The following PRKAG2 variants were observed in gnomAD, a reference collection of about 807,000 sequenced individuals.
PRKAG2 encodes 5'-AMP-activated protein kinase subunit gamma-2.
In PRKAG2, 26 loss-of-function variants were observed where a neutral mutation model predicts 69.6. That is an observed-to-expected ratio of 0.37 (90% CI 0.27 to 0.52). The LOEUF (loss-of-function observed/expected upper bound fraction) is 0.52. Among genes scored for constraint, PRKAG2 ranks in the 20% least tolerant of loss-of-function variants. The probability of loss-of-function intolerance (pLI) is 0.90; values close to 1 mark genes in which losing one functional copy is unlikely to be tolerated. For missense variants in PRKAG2, 557 were observed against 740.0 expected (o/e 0.75, Z 2.87); for synonymous variants, 293 against 285.0 (o/e 1.03, Z -0.28).
chr7:151,757,965 G>A (rs2075196939), intron 3 of PRKAG2, among the ~76,000 whole-genome samples: 2 of 152,190 alleles, frequency 1.3e-5, no homozygotes, highest in Non-Finnish European at 2.9e-5. Context: ...CCACTGCTGC[G>A]ATGAAGCCCT....
chr7:151,711,283 A>G (rs1291310950), intron 3 of PRKAG2, among the ~76,000 whole-genome samples: 1 of 151,158 alleles, frequency 6.6e-6, no homozygotes, highest in Admixed American at 6.6e-5. Context: ...GAGAGTACTG[A>G]GTGCTAGGCT....
chr7:151,692,836 T>C (rs1440704483), intron 3 of PRKAG2, among the ~76,000 whole-genome samples: 1 of 151,768 alleles, frequency 6.6e-6, no homozygotes, highest in African/African-American at 2.4e-5. Context: ...CCAAAGGTCA[T>C]CTCCTGAAGG....
intron 1 of PRKAG2, among the ~76,000 whole-genome samples, chr7:151,865,280 T>G (rs2080035929): frequency 6.6e-6 from 1 of 152,256 alleles, no homozygotes; most frequent in African/African-American, 2.4e-5. Context: ...TGGAGCCGAC[T>G]GGGCGATGGG....
Position 151,697,109 on chromosome 7 carries a change from G to A in PRKAG2, c.467-21472C>T, listed in dbSNP as rs78542023. Among the ~76,000 whole-genome samples, 628 of 152,326 alleles carry A rather than the reference G, an allele frequency of 4.1e-3. 6 individuals carry two copies. Among genetic ancestry groups the A allele is most frequent in the African/African-American group, 0.014 (567 of 41,572 alleles). On this transcript the variant is annotated intron_variant, in intron 3 of 15. Transcript: ENST00000287878. ...GTAGCCTGGGAGGGGCCTTGGGCGG[G>A]AGCATCCCCGGGGAGAGAGCTGGAG...
intron 4 of PRKAG2, among the ~76,000 whole-genome samples, chr7:151,642,229 G>C (rs1169657732): frequency 6.6e-6 from 1 of 152,090 alleles, no homozygotes. Context: ...TGTAGTCCCA[G>C]CTACTCAGGA....
At position 151,565,575 on chromosome 7, in the gene PRKAG2, G is replaced by A. The variant is rs879171393; in HGVS notation, c.1399+145C>T. ...AATAAACCAATTAAACTTTTTTTAC[G>A]ATCCTGCGTGCCCCTTGGTGCTGAA... is the stretch of plus-strand genomic sequence containing the variant. On this transcript the variant is annotated intron_variant, in intron 12 of 15. Coordinates refer to ENST00000287878, the MANE Select transcript of PRKAG2 (RefSeq NM_016203.4). 7 of 1,163,106 alleles carry A rather than the reference G, an allele frequency of 6.0e-6. No homozygotes were observed. The East Asian group carries it at 7.6e-5, about 13-fold the overall frequency. 72.0% of individuals were successfully genotyped at this position (1,163,106 alleles called of 1,614,324 possible).
chr7:151,819,749 C>T (rs2078725474), intron 1 of PRKAG2, among the ~76,000 whole-genome samples: 2 of 34,112 alleles, frequency 5.9e-5, no homozygotes, highest in Non-Finnish European at 1.4e-4. Context: ...TGGAGCCTTA[C>T]GGGTGAAAAC....
In PRKAG2 at chr7:151,631,904, C is replaced by T. The variant is rs967552768; in HGVS notation, c.754+165G>A. On this transcript the variant is annotated intron_variant, in intron 5 of 15. Coordinates refer to ENST00000287878, the MANE Select transcript of PRKAG2 (RefSeq NM_016203.4). ...GTACCCCGCAGCCCGAGCTCGCCGG[C>T]GCCCGCATCCCCGCCCCGGTTCCCG... 42 of 640,510 alleles carry T rather than the reference C, an allele frequency of 6.6e-5. No individual in the cohort carries two copies. In the African/African-American group the frequency reaches 7.7e-4, roughly 12 times the overall value. 39.7% of individuals were successfully genotyped at this position (640,510 alleles called of 1,614,324 possible).
intron 7 of PRKAG2, among the ~76,000 whole-genome samples, chr7:151,575,909 A>G (rs1195670003): frequency 6.6e-6 from 1 of 151,248 alleles, no homozygotes; most frequent in Non-Finnish European, 1.5e-5. Context: ...AAAAAAAAAA[A>G]AAAAGAAAAA....
intron 1 of PRKAG2, among the ~76,000 whole-genome samples, chr7:151,868,060 C>T (rs184217835): frequency 1.3e-5 from 2 of 152,326 alleles, no homozygotes; most frequent in African/African-American, 4.8e-5. Context: ...GTGCATTCAT[C>T]AGCAGCTTCA....
intron 1 of PRKAG2, among the ~76,000 whole-genome samples, chr7:151,873,666 G>A (rs999490072): frequency 3.3e-5 from 5 of 152,180 alleles, no homozygotes; most frequent in African/African-American, 1.2e-4. Flanking sequence ...TGCCAAGAAC[G>A]TTATGAAAAG....
Position 151,876,667 on chromosome 7 carries a change from C to A in PRKAG2, c.-47G>T. The A allele has an allele frequency of 6.4e-7, 1 of 1,553,064 alleles. No homozygotes were observed. Among genetic ancestry groups the A allele is most frequent in the Non-Finnish European group, 8.8e-7 (1 of 1,136,582 alleles). ...CTGCGAAACTCCTCGGGGGTTCGGT[C>A]CCCTCCTTCCCTCCCCCGGCCGCTG... On this transcript the variant is annotated 5_prime_UTR_variant, in exon 1 of 16. Transcript: ENST00000287878.
intron 1 of PRKAG2, among the ~76,000 whole-genome samples, chr7:151,869,361 A>C (rs1409758363): frequency 6.6e-6 from 1 of 152,234 alleles, no homozygotes; most frequent in Non-Finnish European, 1.5e-5. Context: ...ACCAGGACCA[A>C]GCGCGAATAG....
At chr7:151,601,018 T>C (rs1263089520) in intron 5 of PRKAG2, among the ~76,000 whole-genome samples, 2 of 152,210 alleles carry the variant, frequency 1.3e-5, no homozygotes, top group Admixed American at 6.5e-5. Flanking sequence ...TTTGAAGCTC[T>C]GTCCCAGGCT....
At chr7:151,734,169 C>T (rs550416671) in intron 3 of PRKAG2, 2 of 152,366 alleles carry the variant, frequency 1.3e-5, no homozygotes, top group South Asian at 4.1e-4. Context: ...GGACTCAGCA[C>T]AATCTGAGCC....
chr7:151,809,789 A>G (rs1054924831), intron 1 of PRKAG2: 3 of 153,810 alleles, frequency 2.0e-5, no homozygotes, highest in African/African-American at 7.2e-5. Context: ...AGCAGCAATC[A>G]CCCTTCGGAT....
intron 6 of PRKAG2, among the ~76,000 whole-genome samples, chr7:151,586,294 G>A (rs371583177): frequency 1.3e-5 from 2 of 151,278 alleles, no homozygotes; most frequent in Non-Finnish European, 2.9e-5. Flanking sequence ...GGCCGTCTAC[G>A]CAACAGCCAC....
At chr7:151,573,942 C>T (rs1213801889) in intron 8 of PRKAG2, among the ~76,000 whole-genome samples, 3 of 152,172 alleles carry the variant, frequency 2.0e-5, no homozygotes, top group African/African-American at 4.8e-5. Flanking sequence ...CCACACCCAG[C>T]TAATTTTTGT....
At chr7:151,658,774 C>T (rs542599512) in intron 4 of PRKAG2, among the ~76,000 whole-genome samples, 19 of 152,252 alleles carry the variant, frequency 1.2e-4, no homozygotes, top group African/African-American at 4.3e-4. Flanking sequence ...ACATTATAAG[C>T]GTTCTATCAG....
Sources: gnomAD v4.1 joint callset for allele counts (sites outside exome capture counted in the v4.1 genomes callset) on GRCh38, gnomAD v4.1.1 for gene constraint, MANE v1.5 for transcripts, NCBI Gene and HGNC (gene_info 2026-07-23, HGNC 2026-07-21) for gene names.